The following ECE1 variants were observed in gnomAD, a reference collection of about 807,000 sequenced individuals.
The protein encoded by ECE1 is endothelin-converting enzyme 1.
Under a neutral mutation model 98.6 loss-of-function variants are expected in ECE1, and 35 were observed. That is an observed-to-expected ratio of 0.35 (90% CI 0.27 to 0.47). The LOEUF is 0.47. Among genes scored for constraint, ECE1 ranks in the 20% least tolerant of loss-of-function variants. The pLI, the probability that ECE1 is intolerant of heterozygous loss-of-function variation, is 1.00. For missense variants in ECE1, 814 were observed against 1,025.3 expected (o/e 0.79, Z 2.81); for synonymous variants, 394 against 407.1 (o/e 0.97, Z 0.39).
intron 14 of ECE1, among the ~76,000 whole-genome samples, chr1:21,229,350 ATT>A (rs893053325): frequency 1.4e-5 from 2 of 146,106 alleles, no homozygotes; most frequent in Non-Finnish European, 1.5e-5. Flanking sequence ...TGCCTGGCTA[ATT>A]TTTTTTTTTT....
intron 14 of ECE1, among the ~76,000 whole-genome samples, chr1:21,231,411 T>G (rs1228920401): frequency 6.7e-6 from 1 of 149,546 alleles, no homozygotes; most frequent in Non-Finnish European, 1.5e-5. Context: ...GTGCAATCTC[T>G]GTTCACTGCA....
intron 1 of ECE1, among the ~76,000 whole-genome samples, chr1:21,343,914 T>C (rs978355044): frequency 3.3e-5 from 5 of 152,114 alleles, no homozygotes; most frequent in Non-Finnish European, 7.4e-5. Context: ...CTCACGGCCT[T>C]TTGGTGCCCA....
Position 21,227,928 on chromosome 1 carries a change from T to C in ECE1, c.1781+3A>G, listed in dbSNP as rs1211629401. The C allele has an allele frequency of 6.4e-7, 1 of 1,551,598 alleles. No individual in the cohort carries two copies. Among genetic ancestry groups the C allele is most frequent in the Non-Finnish European group, 8.7e-7 (1 of 1,146,722 alleles). ...TGGGGTAGGGGCCCCAGAGGCAGCC[T>C]ACTTGGGTGAGGAGCGTGTGTAGAA... On this transcript the variant is annotated splice_donor_region_variant and intron_variant, in intron 15 of 18. Transcript: ENST00000374893.
chr1:21,237,288 T>C (rs1250414770), intron 11 of ECE1, among the ~76,000 whole-genome samples: 1 of 152,132 alleles, frequency 6.6e-6, no homozygotes, highest in East Asian at 1.9e-4. Context: ...GGAAATACCA[T>C]GCTCAGGCTG....
At chr1:21,246,138 A>C (rs953786083) in intron 9 of ECE1, among the ~76,000 whole-genome samples, 1 of 152,148 alleles carries the variant, frequency 6.6e-6, no homozygotes, top group African/African-American at 2.4e-5. Flanking sequence ...GGAGTTAGGA[A>C]AAAAATAAGT....
Position 21,258,856 on chromosome 1 carries a change from C to G in ECE1, c.616-17G>C. On this transcript the variant is annotated splice_polypyrimidine_tract_variant and intron_variant, in intron 5 of 18. Coordinates refer to ENST00000374893, the MANE Select transcript of ECE1 (RefSeq NM_001397.3). The surrounding 1 kb of genome is among the most constrained non-coding windows in gnomAD (Gnocchi z 4.2). ...GCCCCCGAGCTGTGGGGAGGGAGAGCAGGCAGGGAGGTGATGAGGTGGCGG... is the reference window on the plus strand; with the variant it reads ...GCCCCCGAGCTGTGGGGAGGGAGAGGAGGCAGGGAGGTGATGAGGTGGCGG... 6.2e-7 allele frequency: 1 copy of G among 1,613,992 alleles called. No individual in the cohort carries two copies. Among genetic ancestry groups the G allele is most frequent in the Non-Finnish European group, 8.5e-7 (1 of 1,179,986 alleles).
At chr1:21,247,149 A>G in intron 9 of ECE1, 72 bp downstream of exon 9, 1 of 1,608,208 alleles carries the variant, frequency 6.2e-7, no homozygotes, top group South Asian at 1.1e-5. Flanking sequence ...TGTCATCCCC[A>G]CCCCTGCCCA....
At chr1:21,344,319 G>A (rs948417307) in intron 1 of ECE1, among the ~76,000 whole-genome samples, 1 of 152,188 alleles carries the variant, frequency 6.6e-6, no homozygotes, top group African/African-American at 2.4e-5. Context: ...AGAAGTGGAG[G>A]GGCTGGATCA....
At position 21,217,635 on chromosome 1, in the gene ECE1, C is replaced by A; in HGVS notation, c.*2320G>T. On this transcript the variant is annotated 3_prime_UTR_variant, in exon 19 of 19. Transcript: ENST00000374893. ...TGCTGGTGCTGACACTACAGGACCA[C>A]CACCCTCCACGCGGAAGGCAGGAGG... is the stretch of plus-strand genomic sequence containing the variant. 1 of 152,514 alleles carries A rather than the reference C, an allele frequency of 6.6e-6. No individual in the cohort carries two copies. The allele number at this position is 152,514 out of a possible 1,614,324, so 9.4% of individuals were successfully genotyped here.
intron 1 of ECE1, among the ~76,000 whole-genome samples, chr1:21,335,552 C>T (rs567828669): frequency 2.0e-5 from 3 of 152,330 alleles, no homozygotes; most frequent in Non-Finnish European, 4.4e-5. Flanking sequence ...AGACCGAGGG[C>T]GACCTGATGC....
chr1:21,280,929 C>T (rs113668109), intron 2 of ECE1, among the ~76,000 whole-genome samples: 2 of 152,308 alleles, frequency 1.3e-5, no homozygotes, highest in African/African-American at 4.8e-5. Flanking sequence ...CGGCTCATGC[C>T]TGTAGTCCCA....
chr1:21,236,754 T>C lies in ECE1; in HGVS notation c.1480A>G (p.Lys494Glu). ...TGCCTGGCCAGCCTCACCTTTTCCT[T>C]GGCTGATTTTCGGGTTTCCTCATCC... ...WMDEETRKSA[K>E]EKADAIYNMI... The change falls in exon 12 of 19, where the codon AAG (lysine) becomes GAG (glutamate). Residue 494 changes from lysine to glutamate, a missense_variant. Around this residue, in one of 3 missense-constraint regions of ECE1, gnomAD observed 452 missense variants for 567.3 expected, o/e 0.80. Coordinates refer to ENST00000374893, the MANE Select transcript of ECE1 (RefSeq NM_001397.3). 1 of 1,614,052 alleles carries C rather than the reference T, an allele frequency of 6.2e-7. No homozygotes were observed. The highest frequency in any genetic ancestry group is 8.5e-7 in the Non-Finnish European group (1 of 1,180,024).
At chr1:21,246,236 A>G (rs1210534248) in intron 9 of ECE1, among the ~76,000 whole-genome samples, 1 of 152,144 alleles carries the variant, frequency 6.6e-6, no homozygotes, top group Admixed American at 6.5e-5. Context: ...GTGGTGGCTT[A>G]TGCCTGTAAT....
chr1:21,330,898 G>A (rs1639187480), intron 1 of ECE1, among the ~76,000 whole-genome samples: 1 of 152,176 alleles, frequency 6.6e-6, no homozygotes, highest in African/African-American at 2.4e-5. Context: ...GGACTCTCAT[G>A]GAAGGTGAGG....
chr1:21,231,542 A>C (rs1233809850), intron 14 of ECE1, among the ~76,000 whole-genome samples: 4 of 152,054 alleles, frequency 2.6e-5, no homozygotes, highest in Non-Finnish European at 1.5e-5. Flanking sequence ...GGATTTCACC[A>C]TGTTGGCCAG....
upstream of ECE1, among the ~76,000 whole-genome samples, chr1:21,291,470 G>A (rs1444699534): frequency 1.3e-5 from 2 of 152,202 alleles, no homozygotes; most frequent in Non-Finnish European, 2.9e-5. Context: ...ATGGTCTCCT[G>A]GCTTCCACTC....
intron 7 of ECE1, among the ~76,000 whole-genome samples, chr1:21,256,514 C>T (rs563156518): frequency 4.6e-5 from 7 of 151,670 alleles, no homozygotes; most frequent in South Asian, 2.1e-4. Context: ...CCAGATTGTG[C>T]GCCATGGCAC....
intron 1 of ECE1, among the ~76,000 whole-genome samples, chr1:21,320,236 C>A (rs1255583462): frequency 6.6e-6 from 1 of 152,144 alleles, no homozygotes; most frequent in African/African-American, 2.4e-5. Context: ...ACGACTATCT[C>A]CAGGCTCCAG....
rs1232136578 is a variant in ECE1, at chr1:21,322,636, T to C, written c.3+22740A>G. Among the ~76,000 whole-genome samples, 2 of 152,296 alleles carry C rather than the reference T, an allele frequency of 1.3e-5. No homozygotes were observed. The highest frequency in any genetic ancestry group is 1.5e-5 in the Non-Finnish European group (1 of 68,026). On this transcript the variant is annotated intron_variant, in intron 1 of 18. Transcript: ENST00000415912. The surrounding 1 kb of genome is among the most constrained non-coding windows in gnomAD (Gnocchi z 4.1). Reference sequence around the variant, plus strand: ...CCAGTGTGGTGGCACTGTTTGGCCCTGAGGGGTTGGAAGTTGATCTAACCA... The same window carrying C: ...CCAGTGTGGTGGCACTGTTTGGCCCCGAGGGGTTGGAAGTTGATCTAACCA...
Sources: allele counts gnomAD v4.1 joint callset (sites outside exome capture counted in the v4.1 genomes callset), GRCh38; gene constraint gnomAD v4.1.1; regional missense constraint gnomAD v4.1.1; non-coding constraint Gnocchi (gnomAD v3.1); transcripts MANE v1.5; gene names NCBI Gene and HGNC (gene_info 2026-07-23, HGNC 2026-07-21).